Variants in CAMTA2 observed in about 807,000 individuals in gnomAD.
The protein encoded by CAMTA2 is calmodulin binding transcription activator 2.
Under a neutral mutation model 135.7 loss-of-function variants are expected in CAMTA2, and 56 were observed. The observed-to-expected ratio is 0.41, with a 90% CI of 0.33 to 0.52. The LOEUF (loss-of-function observed/expected upper bound fraction) is 0.52, where lower values mean the gene tolerates loss of function less well. CAMTA2 is among the 20% of genes least tolerant of loss of function. The pLI, the probability that CAMTA2 is intolerant of heterozygous loss-of-function variation, is 0.16. For missense variants in CAMTA2, 1,358 were observed against 1,553.4 expected, an observed-to-expected ratio of 0.87 and a Z score of 2.11; for synonymous variants, 591 against 604.6, an observed-to-expected ratio of 0.98 and a Z score of 0.33.
intron 1 of CAMTA2, 60 bp downstream of exon 1, chr17:4,987,533 G>A (rs1043839680): frequency 3.4e-6 from 5 of 1,467,458 alleles, no homozygotes; most frequent in Non-Finnish European, 4.5e-6. Context: ...GTCGGGACCT[G>A]GAGGAGCTGC....
intron 11 of CAMTA2, among the ~76,000 whole-genome samples, chr17:4,975,057 T>C (rs1418870481): frequency 2.6e-5 from 4 of 152,146 alleles, no homozygotes; most frequent in Non-Finnish European, 5.9e-5. Flanking sequence ...CATATAGCCA[T>C]GTCCATTTCT....
At chr17:4,986,714 A>C in intron 1 of CAMTA2, 2 of 548,598 alleles carry the variant, frequency 3.6e-6, no homozygotes, top group African/African-American at 2.0e-5. Flanking sequence ...GGTAGAAGCT[A>C]GGCCTTTAGA....
intron 8 of CAMTA2, 121 bp downstream of exon 8, chr17:4,981,103 TG>T: frequency 1.6e-6 from 2 of 1,250,286 alleles, no homozygotes; most frequent in Non-Finnish European, 1.1e-6. Context: ...CCCATCTTTC[TG>T]GGACATGCAA....
intron 1 of CAMTA2, chr17:4,986,998 G>A: frequency 9.6e-6 from 14 of 1,461,148 alleles, no homozygotes; most frequent in Non-Finnish European, 1.3e-5. Context: ...CGCCCTCCTC[G>A]GGGAACAGAT....
At position 4,987,435 on chromosome 17, in the gene CAMTA2, G is replaced by A. The variant is rs1401880424; in HGVS notation, c.-65+158C>T. On this transcript the variant is annotated intron_variant, in intron 1 of 22. Transcript: ENST00000348066. Reference sequence around the variant, plus strand: ...CCGCCGTGGGGCCCTGCGGTGAGCGGCGCCCCCTGGCGCGGGGGAGGAGGA... The same window carrying A: ...CCGCCGTGGGGCCCTGCGGTGAGCGACGCCCCCTGGCGCGGGGGAGGAGGA... The A allele has an allele frequency of 2.9e-6, 4 of 1,384,200 alleles. No individual in the cohort carries two copies. In the Admixed American group the frequency reaches 1.0e-4, roughly 36 times the overall value. 85.7% of individuals were successfully genotyped at this position (1,384,200 alleles called of 1,614,324 possible).
At chr17:4,986,357 G>A (rs778447755) in intron 1 of CAMTA2, 71 bp from the exon 2 acceptor site, 61 of 662,530 alleles carry the variant, frequency 9.2e-5, no homozygotes, top group Admixed American at 1.4e-4. Flanking sequence ...ATGAGGTAGG[G>A]AGTGGGTATA....
At chr17:4,987,200 T>C (rs1973402700) in intron 1 of CAMTA2, 1 of 1,334,708 alleles carries the variant, frequency 7.5e-7, no homozygotes, top group Non-Finnish European at 9.5e-7. Context: ...TGGGCTGCAC[T>C]TGGGCGGCGC....
chr17:4,980,685 T>C lies in CAMTA2; in HGVS notation c.701-64A>G, dbSNP rs1972909696. The C allele has an allele frequency of 1.6e-6, 2 of 1,273,874 alleles. No homozygotes were observed. The highest frequency in any genetic ancestry group is 1.1e-6 in the Non-Finnish European group (1 of 881,832). 78.9% of individuals were successfully genotyped at this position (1,273,874 alleles called of 1,614,324 possible). A position where few individuals can be genotyped will look rare whatever the true frequency, so the allele number is the denominator to read the frequency against. Reference sequence around the variant, plus strand: ...ACATCATTCCGCACCTTCTCTACCTTGAGGCCCTTAAAAGTATTTCCTGGG... The same window carrying C: ...ACATCATTCCGCACCTTCTCTACCTCGAGGCCCTTAAAAGTATTTCCTGGG... On this transcript the variant is annotated intron_variant, in intron 8 of 22. Coordinates refer to ENST00000348066, the MANE Select transcript of CAMTA2 (RefSeq NM_015099.4). This position sits in a 1 kb window ranked among gnomAD's most constrained non-coding sequence, Gnocchi z 5.3.
At chr17:4,976,563 T>A (rs957503399) in intron 11 of CAMTA2, among the ~76,000 whole-genome samples, 1 of 152,008 alleles carries the variant, frequency 6.6e-6, no homozygotes, top group Non-Finnish European at 1.5e-5. Context: ...TAGCCAGGCT[T>A]GGTGGCAGGC....
chr17:4,986,995 C>A, intron 1 of CAMTA2: 1 of 1,461,896 alleles, frequency 6.8e-7, no homozygotes, highest in African/African-American at 1.5e-5. Context: ...CCCCGCCCTC[C>A]TCGGGGAACA....
rs148665799 is a variant in CAMTA2, at chr17:4,976,437, G to A, written c.1900+621C>T. On this transcript the variant is annotated intron_variant, in intron 11 of 22. Coordinates refer to ENST00000348066, the MANE Select transcript of CAMTA2 (RefSeq NM_015099.4). ...AGTACAGCCGGGTGTGGTGGCTCAC[G>A]CCTGTAATCCCAACACTTTGGTAGA... Among the ~76,000 whole-genome samples, 14 of 152,250 alleles carry A rather than the reference G, an allele frequency of 9.2e-5. No individual in the cohort carries two copies. The East Asian group carries it at 1.2e-3, about 13-fold the overall frequency.
intron 11 of CAMTA2, among the ~76,000 whole-genome samples, chr17:4,974,952 A>C (rs1226232316): frequency 1.3e-5 from 2 of 152,096 alleles, no homozygotes; most frequent in African/African-American, 4.8e-5. Context: ...AAGCTCAGGG[A>C]CTGTGATTTG....
At chr17:4,976,259 G>A (rs1972610340) in intron 11 of CAMTA2, among the ~76,000 whole-genome samples, 1 of 151,984 alleles carries the variant, frequency 6.6e-6, no homozygotes, top group South Asian at 2.1e-4. Flanking sequence ...ACCCGCCTTG[G>A]CCTCCCAAAG....
chr17:4,973,064 G>T, intron 14 of CAMTA2, 73 bp from the exon 15 acceptor site: 1 of 1,510,360 alleles, frequency 6.6e-7, no homozygotes, highest in Non-Finnish European at 9.2e-7. Context: ...AGGTAGTCAG[G>T]TCTTCAGGCC....
chr17:4,983,162 T>C, intron 3 of CAMTA2, 119 bp from the exon 4 acceptor site: 1 of 848,274 alleles, frequency 1.2e-6, no homozygotes, highest in Admixed American at 1.9e-5. Context: ...TGGAGGATGC[T>C]TCTAGGTATC....
chr17:4,973,847 T>C (rs1315571779), intron 12 of CAMTA2, 78 bp from the exon 13 acceptor site: 22 of 1,325,614 alleles, frequency 1.7e-5, no homozygotes. Flanking sequence ...ACCTCACATC[T>C]GTCCTCCCAG....
chr17:4,983,094 G>T, intron 3 of CAMTA2, 51 bp from the exon 4 acceptor site: 1 of 1,490,282 alleles, frequency 6.7e-7, no homozygotes, highest in Non-Finnish European at 9.4e-7. Context: ...GAGAGTCTCA[G>T]CCTGGCCTCT....
chr17:4,972,806 T>G lies in CAMTA2; in HGVS notation c.2466A>C (p.Pro822=). ...LQRQEPSVEP[P]FALSPPSSSP... is the part of the protein sequence containing the mutation. ...TGGAGGAGGGTGGCGATAGGGCAAA[T>G]GGGGGCTCCACCGAAGGCTCCTGTC... The change falls in exon 15 of 23, where the codon CCA becomes CCC. Residue 822 remains proline, a synonymous_variant. Transcript: ENST00000348066. 6.2e-7 allele frequency: 1 copy of G among 1,613,848 alleles called. No individual in the cohort carries two copies. Among genetic ancestry groups the G allele is most frequent in the Non-Finnish European group, 8.5e-7 (1 of 1,180,024 alleles).
At position 4,968,973 on chromosome 17, in the gene CAMTA2, A is replaced by G. The variant is rs765934356; in HGVS notation, c.3479T>C (p.Phe1160Ser). The change falls in exon 22 of 23, where the codon TTT becomes TCT. Residue 1160 changes from phenylalanine to serine, a missense_variant. Physicochemically the swap from Phe to Ser is radical, Grantham distance 155 (BLOSUM62 -2). This residue lies in a region of CAMTA2 where 167 missense variants were observed against 207.0 expected (regional missense o/e 0.81). Coordinates refer to ENST00000348066, the MANE Select transcript of CAMTA2 (RefSeq NM_015099.4). ...ATLPARNKGS[F>S]LTKKQDQAAR... is the part of the protein sequence containing the mutation. ...TGCCTGGTCCTGCTTCTTGGTGAGAAAGGAGCCTCTGGTGAAAGAAACAAA... is the reference window on the plus strand; with the variant it reads ...TGCCTGGTCCTGCTTCTTGGTGAGAGAGGAGCCTCTGGTGAAAGAAACAAA... The G allele has an allele frequency of 6.8e-6, 11 of 1,614,004 alleles. No individual in the cohort carries two copies. The African/African-American group carries it at 1.3e-4, about 20-fold the overall frequency.
Sources: gnomAD v4.1 joint callset for allele counts (sites outside exome capture counted in the v4.1 genomes callset) on GRCh38, gnomAD v4.1.1 for gene constraint, gnomAD v4.1.1 regional missense constraint, Gnocchi (gnomAD v3.1) non-coding constraint, MANE v1.5 for transcripts, NCBI Gene and HGNC (gene_info 2026-07-23, HGNC 2026-07-21) for gene names.